The following AMPH variants were observed in gnomAD, a reference collection of about 807,000 sequenced individuals.
AMPH encodes amphiphysin.
AMPH carries 49 observed loss-of-function variants against 99.1 expected under a neutral mutation model. The ratio of observed to expected loss-of-function variants is 0.49; its 90% confidence interval spans 0.39 to 0.63. AMPH has a LOEUF of 0.63. AMPH is among the 20% of genes least tolerant of loss of function. AMPH has a pLI of 0.00. For synonymous variants in AMPH, 314 were observed against 317.3 expected, an observed-to-expected ratio of 0.99 and a Z score of 0.11; for missense variants, 759 against 863.4, an observed-to-expected ratio of 0.88 and a Z score of 1.52.
At chr7:38,623,711 G>A (rs1404527899) in intron 1 of AMPH, among the ~76,000 whole-genome samples, 1 of 152,198 alleles carries the variant, frequency 6.6e-6, no homozygotes, top group Non-Finnish European at 1.5e-5. Flanking sequence ...CTCCTTGACA[G>A]AGGAGGATCT....
intron 12 of AMPH, among the ~76,000 whole-genome samples, chr7:38,435,101 G>T (rs547706722): frequency 6.6e-6 from 1 of 152,186 alleles, no homozygotes; most frequent in Admixed American, 6.5e-5. Flanking sequence ...TCTTCTAGAA[G>T]AGAGTTAATA....
At chr7:38,490,261 TG>T (rs1788671006) in intron 5 of AMPH, among the ~76,000 whole-genome samples, 1 of 152,216 alleles carries the variant, frequency 6.6e-6, no homozygotes, top group Admixed American at 6.5e-5. Flanking sequence ...AGCACTTTGC[TG>T]CCTAATATGG....
intron 1 of AMPH, among the ~76,000 whole-genome samples, chr7:38,622,452 CAT>C (rs1333365596): frequency 1.1e-5 from 1 of 87,748 alleles, no homozygotes; most frequent in African/African-American, 5.0e-5. Flanking sequence ...TGTATGAATA[CAT>C]ACACACACAC....
intron 1 of AMPH, among the ~76,000 whole-genome samples, chr7:38,559,495 C>T (rs1200507885): frequency 6.6e-6 from 1 of 152,198 alleles, no homozygotes. Context: ...AATAGGCTCA[C>T]ATGACCAGCT....
At chr7:38,466,890 T>A (rs1161095558) in intron 7 of AMPH, among the ~76,000 whole-genome samples, 1 of 152,162 alleles carries the variant, frequency 6.6e-6, no homozygotes, top group South Asian at 2.1e-4. Flanking sequence ...GAGATTAACT[T>A]CTTCTATGGC....
At chr7:38,519,518 T>C (rs769376026) in intron 2 of AMPH, among the ~76,000 whole-genome samples, 2 of 152,180 alleles carry the variant, frequency 1.3e-5, no homozygotes, top group Non-Finnish European at 2.9e-5. Context: ...TATTTTAAAA[T>C]TGTACAAATT....
At chr7:38,425,776 G>T (rs1158534441) in intron 15 of AMPH, among the ~76,000 whole-genome samples, 2 of 152,194 alleles carry the variant, frequency 1.3e-5, no homozygotes, top group Non-Finnish European at 2.9e-5. Context: ...CGGAAACAGA[G>T]AATTTGTTGA....
At chr7:38,455,449 C>CA (rs1165182955) in intron 11 of AMPH, among the ~76,000 whole-genome samples, 2 of 152,058 alleles carry the variant, frequency 1.3e-5, no homozygotes, top group African/African-American at 4.8e-5. Flanking sequence ...AGAGCGGAAG[C>CA]AAAATAGCAA....
chr7:38,519,243 G>A (rs909583171), intron 2 of AMPH, among the ~76,000 whole-genome samples: 2 of 152,170 alleles, frequency 1.3e-5, no homozygotes, highest in Admixed American at 1.3e-4. Context: ...TGCTACAGCA[G>A]CAAAAAACAG....
At chr7:38,543,638 G>A (rs901534826) in intron 1 of AMPH, among the ~76,000 whole-genome samples, 8 of 152,176 alleles carry the variant, frequency 5.3e-5, no homozygotes, top group African/African-American at 1.9e-4. Flanking sequence ...TTACTGATGA[G>A]AACACTGAAA....
chr7:38,399,470 A>G (rs1784781482), intron 17 of AMPH, among the ~76,000 whole-genome samples: 1 of 152,222 alleles, frequency 6.6e-6, no homozygotes, highest in Admixed American at 6.5e-5. Context: ...ACAGGAACCC[A>G]TTTGTTCAGA....
At chr7:38,446,838 A>C (rs757796827) in intron 11 of AMPH, among the ~76,000 whole-genome samples, 2 of 152,196 alleles carry the variant, frequency 1.3e-5, no homozygotes, top group African/African-American at 2.4e-5. Context: ...TAATAGTGGG[A>C]GATGGGTTAA....
chr7:38,399,911 T>C (rs917086203), intron 17 of AMPH, among the ~76,000 whole-genome samples: 1 of 152,168 alleles, frequency 6.6e-6, no homozygotes, highest in Non-Finnish European at 1.5e-5. Context: ...TCCTTGACCT[T>C]GGGCACATAT....
chr7:38,433,495 G>A (rs908234205), intron 12 of AMPH, among the ~76,000 whole-genome samples: 1 of 151,866 alleles, frequency 6.6e-6, no homozygotes, highest in Non-Finnish European at 1.5e-5. Context: ...GGAGGCCGAG[G>A]CGGGCGGATC....
chr7:38,418,979 T>C (rs1438558832), intron 16 of AMPH, among the ~76,000 whole-genome samples: 1 of 152,008 alleles, frequency 6.6e-6, no homozygotes, highest in Non-Finnish European at 1.5e-5. Flanking sequence ...TTTTCCATTC[T>C]TATTAATATA....
intron 2 of AMPH, among the ~76,000 whole-genome samples, chr7:38,514,330 T>C (rs147337647): frequency 3.3e-5 from 5 of 152,340 alleles, no homozygotes; most frequent in African/African-American, 1.2e-4. Flanking sequence ...TGATATCATC[T>C]ATCAAATAAC....
chr7:38,556,394 C>T (rs1371630038), intron 1 of AMPH, among the ~76,000 whole-genome samples: 1 of 152,148 alleles, frequency 6.6e-6, no homozygotes, highest in Admixed American at 6.6e-5. Context: ...ACTGCCCAGG[C>T]CTTCAGGAGC....
intron 1 of AMPH, among the ~76,000 whole-genome samples, chr7:38,554,612 AC>A (rs1411734362): frequency 2.6e-5 from 4 of 152,244 alleles, no homozygotes. Flanking sequence ...TAAATATATT[AC>A]TGGCATTTCC....
intron 2 of AMPH, among the ~76,000 whole-genome samples, chr7:38,515,332 T>C (rs752068633): frequency 8.5e-5 from 13 of 152,220 alleles, no homozygotes; most frequent in Non-Finnish European, 1.6e-4. Context: ...GACTGGATCA[T>C]GGGGGTGGAC....
Sources: gnomAD v4.1 joint callset for allele counts (sites outside exome capture counted in the v4.1 genomes callset) on GRCh38, gnomAD v4.1.1 for gene constraint, MANE v1.5 for transcripts, NCBI Gene and HGNC (gene_info 2026-07-23, HGNC 2026-07-21) for gene names.